Variants in DCC observed in about 807,000 individuals in gnomAD.
The protein encoded by DCC is netrin receptor DCC.
A neutral mutation model predicts 172.5 loss-of-function variants in DCC; 58 were observed. The ratio of observed to expected loss-of-function variants is 0.34; its 90% confidence interval spans 0.27 to 0.42. The LOEUF is 0.42. Among genes scored for constraint, DCC ranks in the 10% least tolerant of loss-of-function variants. The pLI, the probability that DCC is intolerant of heterozygous loss-of-function variation, is 1.00. For missense variants in DCC, 1,740 were observed against 1,791.0 expected (o/e 0.97, Z 0.51); for synonymous variants, 709 against 644.5 (o/e 1.10, Z -1.52).
intron 1 of DCC, among the ~76,000 whole-genome samples, chr18:52,432,740 A>G (rs938553225): frequency 1.3e-5 from 2 of 152,192 alleles, no homozygotes; most frequent in Non-Finnish European, 2.9e-5. Flanking sequence ...TAAATACACT[A>G]TCACTCTTTT....
At chr18:52,931,472 T>A (rs1202104259) in intron 5 of DCC, among the ~76,000 whole-genome samples, 1 of 152,164 alleles carries the variant, frequency 6.6e-6, no homozygotes, top group African/African-American at 2.4e-5. Context: ...TGTACTTAAC[T>A]GTCTGTGAAT....
At chr18:53,186,418 A>G (rs1282335296) in intron 9 of DCC, among the ~76,000 whole-genome samples, 2 of 152,198 alleles carry the variant, frequency 1.3e-5, no homozygotes, top group African/African-American at 2.4e-5. Flanking sequence ...GCCAGCATGA[A>G]CATCTTCGGG....
chr18:52,782,023 G>A (rs1943102), intron 2 of DCC, among the ~76,000 whole-genome samples: 5,204 of 152,130 alleles, frequency 0.034, 127 homozygotes, highest in Admixed American at 0.048. Context: ...AATAATTTCT[G>A]AATGATAAAA....
At chr18:53,496,700 C>T (rs1422476320) in intron 26 of DCC, among the ~76,000 whole-genome samples, 1 of 152,274 alleles carries the variant, frequency 6.6e-6, no homozygotes, top group East Asian at 1.9e-4. Context: ...TGCAAGGAAG[C>T]TCTAACCCAA....
chr18:53,047,931 G>GTGTA (rs1051897331), intron 5 of DCC, among the ~76,000 whole-genome samples: 1 of 144,116 alleles, frequency 6.9e-6, no homozygotes, highest in African/African-American at 2.7e-5. Context: ...GTGTGTGTGT[G>GTGTA]TATAGTTTAT....
intron 2 of DCC, among the ~76,000 whole-genome samples, chr18:52,838,722 G>A (rs1167853804): frequency 6.6e-6 from 1 of 152,154 alleles, no homozygotes; most frequent in Non-Finnish European, 1.5e-5. Flanking sequence ...AACAGCATGT[G>A]ATAATGCAAA....
At chr18:52,930,740 CCTT>C (rs1411120577) in intron 5 of DCC, among the ~76,000 whole-genome samples, 2 of 151,970 alleles carry the variant, frequency 1.3e-5, no homozygotes, top group Non-Finnish European at 2.9e-5. Context: ...AAACATTTAT[CCTT>C]ATTTTATTGA....
In DCC at chr18:52,761,676, C is replaced by T. The variant is rs148682161; in HGVS notation, c.412+9302C>T. Reference sequence around the variant, plus strand: ...CATGCACACACACACACCTGTGACTCTTAGTGCTCTAGCCCAGAGTTCTTT... The same window carrying T: ...CATGCACACACACACACCTGTGACTTTTAGTGCTCTAGCCCAGAGTTCTTT... On this transcript the variant is annotated intron_variant, in intron 2 of 28. Coordinates refer to ENST00000442544, the MANE Select transcript of DCC (RefSeq NM_005215.4). Among the ~76,000 whole-genome samples the T allele has an allele frequency of 9.9e-5, 15 of 152,160 alleles. No individual in the cohort carries two copies. The East Asian group carries it at 2.7e-3, about 27-fold the overall frequency.
intron 1 of DCC, among the ~76,000 whole-genome samples, chr18:52,694,418 T>TA (rs2035978721): frequency 1.3e-5 from 2 of 151,994 alleles, no homozygotes; most frequent in Non-Finnish European, 2.9e-5. Context: ...CAGTTAGTAG[T>TA]AAAAAAATAA....
chr18:53,437,871 G>T (rs1912051242), intron 22 of DCC, among the ~76,000 whole-genome samples: 1 of 152,200 alleles, frequency 6.6e-6, no homozygotes, highest in African/African-American at 2.4e-5. Flanking sequence ...CAAACTGAAG[G>T]ACAGACCACT....
chr18:52,672,673 C>A (rs1008568255), intron 1 of DCC, among the ~76,000 whole-genome samples: 1 of 150,640 alleles, frequency 6.6e-6, no homozygotes, highest in Non-Finnish European at 1.5e-5. Flanking sequence ...CCCCTTCCCC[C>A]CTTCCCTCCT....
At chr18:53,426,746 A>G (rs546026609) in intron 21 of DCC, among the ~76,000 whole-genome samples, 1 of 152,080 alleles carries the variant, frequency 6.6e-6, no homozygotes, top group East Asian at 1.9e-4. Flanking sequence ...TAGTCATTTT[A>G]TATTCCTAAT....
chr18:53,006,596 GTAGA>G (rs938821957), intron 5 of DCC, among the ~76,000 whole-genome samples: 2 of 152,184 alleles, frequency 1.3e-5, no homozygotes, highest in South Asian at 2.1e-4. Flanking sequence ...ATGCTAAACT[GTAGA>G]TAGATAAGGT....
intron 2 of DCC, among the ~76,000 whole-genome samples, chr18:52,896,225 A>G (rs2039728025): frequency 6.6e-6 from 1 of 152,170 alleles, no homozygotes. Flanking sequence ...CATTTTTGTT[A>G]TATTTTCAGT....
intron 1 of DCC, among the ~76,000 whole-genome samples, chr18:52,586,584 T>A (rs1598934366): frequency 6.6e-6 from 1 of 152,300 alleles, no homozygotes; most frequent in South Asian, 2.1e-4. Context: ...AACTAAGATC[T>A]CTAGGCCAGC....
At chr18:53,519,144 C>G (rs1217148446) in intron 27 of DCC, among the ~76,000 whole-genome samples, 1 of 152,034 alleles carries the variant, frequency 6.6e-6, no homozygotes, top group Admixed American at 6.6e-5. Context: ...GCTATATTAT[C>G]CTTGTGTAAT....
intron 2 of DCC, among the ~76,000 whole-genome samples, chr18:52,889,265 A>G (rs954036690): frequency 2.0e-5 from 3 of 152,130 alleles, no homozygotes; most frequent in African/African-American, 7.2e-5. Context: ...CTTTAAAGTG[A>G]TAAATCTAAG....
intron 27 of DCC, among the ~76,000 whole-genome samples, chr18:53,506,842 A>G (rs1306662077): frequency 7.1e-6 from 1 of 140,530 alleles, no homozygotes; most frequent in Non-Finnish European, 1.5e-5. Context: ...TGGGTGACAG[A>G]GCAAGAGACT....
chr18:53,079,664 A>T (rs1044940840), intron 7 of DCC, among the ~76,000 whole-genome samples: 1 of 152,198 alleles, frequency 6.6e-6, no homozygotes, highest in Admixed American at 6.5e-5. Flanking sequence ...AAAAGGAGAT[A>T]GCACAAAGGA....
Sources: allele counts gnomAD v4.1 joint callset (sites outside exome capture counted in the v4.1 genomes callset), GRCh38; gene constraint gnomAD v4.1.1; transcripts MANE v1.5; gene names NCBI Gene and HGNC (gene_info 2026-07-23, HGNC 2026-07-21).